The following KANSL1 variants were observed in gnomAD, a reference collection of about 807,000 sequenced individuals.
KANSL1 encodes the protein MLL1/MLL complex subunit KANSL1.
KANSL1 carries 22 observed loss-of-function variants against 103.6 expected under a neutral mutation model. The observed-to-expected ratio is 0.21, with a 90% CI of 0.15 to 0.30. The LOEUF (loss-of-function observed/expected upper bound fraction) is 0.30. KANSL1 is among the 10% of genes least tolerant of loss of function. The pLI is 1.00. For synonymous variants in KANSL1, 600 were observed against 527.6 expected (o/e 1.14, Z -1.88); for missense variants, 1,337 against 1,399.8 (o/e 0.96, Z 0.72).
chr17:46,102,837 T>C (rs1285158934), intron 2 of KANSL1, among the ~76,000 whole-genome samples: 2 of 152,222 alleles, frequency 1.3e-5, no homozygotes, highest in African/African-American at 4.8e-5. Flanking sequence ...ATGGGGCAGA[T>C]AGATGTTAAT....
intron 1 of KANSL1, among the ~76,000 whole-genome samples, chr17:46,220,215 T>TA (rs1245987985): frequency 2.6e-5 from 4 of 151,850 alleles, no homozygotes; most frequent in Non-Finnish European, 5.9e-5. Context: ...TGCTGTTCTT[T>TA]AAAATTTTTT....
intron 2 of KANSL1, among the ~76,000 whole-genome samples, chr17:46,098,453 C>A (rs1033825185): frequency 1.2e-4 from 19 of 152,316 alleles, no homozygotes; most frequent in African/African-American, 3.6e-4. Context: ...AGGAACCATG[C>A]AGCTCCTTTG....
At chr17:46,166,350 A>G (rs1487008235) in intron 2 of KANSL1, among the ~76,000 whole-genome samples, 4 of 152,142 alleles carry the variant, frequency 2.6e-5, no homozygotes, top group African/African-American at 9.7e-5. Context: ...TGCCTCTACT[A>G]AAAGTACAAA....
intron 2 of KANSL1, among the ~76,000 whole-genome samples, chr17:46,101,016 G>C (rs534263911): frequency 1.3e-5 from 2 of 152,166 alleles, no homozygotes; most frequent in African/African-American, 2.4e-5. Context: ...AATTGACAAA[G>C]GATTATGTGC....
chr17:46,056,343 T>TA (rs746248201), intron 6 of KANSL1, among the ~76,000 whole-genome samples: 99 of 145,136 alleles, frequency 6.8e-4, no homozygotes, highest in South Asian at 4.3e-3. Context: ...TACTCAAATC[T>TA]AAAAAAAAAA....
intron 1 of KANSL1, chr17:46,223,458 G>A (rs1329335919): frequency 6.6e-6 from 1 of 151,076 alleles, no homozygotes; most frequent in Non-Finnish European, 1.5e-5. Flanking sequence ...AAGTTAATTT[G>A]AGAACTTCAT....
At position 46,193,403 on chromosome 17, in the gene KANSL1, C is replaced by G. The variant is rs1235200331; in HGVS notation, c.-670G>C. 6.5e-6 allele frequency: 1 copy of G among 154,438 alleles called. No homozygotes were observed. Among genetic ancestry groups the G allele is most frequent in the Non-Finnish European group, 1.4e-5 (1 of 70,174 alleles). 9.6% of individuals were successfully genotyped at this position (154,438 alleles called of 1,614,324 possible). ...GCGGCCGAGCTCCTTTTCCCTCCCC[C>G]CCTTTAATCTGAAGCGGAGGGAGAA... On this transcript the variant is annotated 5_prime_UTR_variant, in exon 1 of 15. Transcript: ENST00000432791.
At chr17:46,149,876 G>C (rs1411546706) in intron 2 of KANSL1, among the ~76,000 whole-genome samples, 3 of 151,282 alleles carry the variant, frequency 2.0e-5, no homozygotes, top group Non-Finnish European at 4.4e-5. Flanking sequence ...AAAAAAATTA[G>C]CCGGGTGTGG....
chr17:46,139,107 T>C (rs1305740664), intron 2 of KANSL1, among the ~76,000 whole-genome samples: 5 of 152,216 alleles, frequency 3.3e-5, no homozygotes, highest in African/African-American at 1.2e-4. Context: ...ACCAGAAGTC[T>C]TTCATTGCTG....
At chr17:46,162,151 G>A (rs769023499) in intron 2 of KANSL1, among the ~76,000 whole-genome samples, 3 of 152,130 alleles carry the variant, frequency 2.0e-5, no homozygotes, top group Non-Finnish European at 2.9e-5. Context: ...CTTTACATTG[G>A]ATATGTAAGC....
intron 3 of KANSL1, chr17:46,093,747 T>C (rs1176032081): frequency 2.0e-5 from 3 of 152,244 alleles, no homozygotes; most frequent in South Asian, 2.1e-4. Context: ...TTAGTAGCAA[T>C]AGACTTTTTC....
intron 7 of KANSL1, 94 bp from the exon 8 acceptor site, chr17:46,039,978 G>T: frequency 8.7e-7 from 1 of 1,148,156 alleles, no homozygotes; most frequent in Non-Finnish European, 1.3e-6. Flanking sequence ...TTTGCCCAGT[G>T]GCCTGACACT....
chr17:46,190,773 G>A (rs985088011), intron 1 of KANSL1, among the ~76,000 whole-genome samples: 1 of 152,214 alleles, frequency 6.6e-6, no homozygotes, highest in Non-Finnish European at 1.5e-5. Flanking sequence ...TCGAAGGAAC[G>A]GCACACTTTG....
intron 6 of KANSL1, among the ~76,000 whole-genome samples, chr17:46,059,375 T>C (rs914615426): frequency 1.3e-5 from 2 of 151,780 alleles, no homozygotes; most frequent in African/African-American, 2.4e-5. Context: ...TCCCAGCACT[T>C]TGGGAGGCTG....
At chr17:46,056,248 C>T (rs964654523) in intron 6 of KANSL1, among the ~76,000 whole-genome samples, 3 of 152,184 alleles carry the variant, frequency 2.0e-5, no homozygotes, top group Non-Finnish European at 4.4e-5. Flanking sequence ...ATCCACCCAC[C>T]TTGGCCTCCC....
At chr17:46,151,697 T>G (rs2045113676) in intron 2 of KANSL1, among the ~76,000 whole-genome samples, 2 of 152,258 alleles carry the variant, frequency 1.3e-5, no homozygotes, top group South Asian at 4.1e-4. Flanking sequence ...GAATAACATT[T>G]GTGAGTGACG....
intron 5 of KANSL1, among the ~76,000 whole-genome samples, chr17:46,067,094 G>A (rs2078406661): frequency 6.6e-6 from 1 of 152,194 alleles, no homozygotes; most frequent in Admixed American, 6.5e-5. Flanking sequence ...ATGTTAATGG[G>A]CTTCCTTAGA....
chr17:46,166,212 T>TC (rs2045989397), intron 2 of KANSL1, among the ~76,000 whole-genome samples: 6 of 63,232 alleles, frequency 9.5e-5, no homozygotes, highest in Admixed American at 2.0e-4. Flanking sequence ...AGACTCTGTC[T>TC]CAAAAAAAAA....
chr17:46,084,311 G>A (rs935042244), intron 3 of KANSL1, among the ~76,000 whole-genome samples: 1 of 152,068 alleles, frequency 6.6e-6, no homozygotes, highest in Non-Finnish European at 1.5e-5. Flanking sequence ...GAACTCAGGA[G>A]GCAGAGGTTG....
Sources: gnomAD v4.1 joint callset for allele counts (sites outside exome capture counted in the v4.1 genomes callset) on GRCh38, gnomAD v4.1.1 for gene constraint, MANE v1.5 for transcripts, NCBI Gene and HGNC (gene_info 2026-07-23, HGNC 2026-07-21) for gene names.